HSD17B12: variants seen among roughly 807,000 people sequenced by gnomAD.
HSD17B12 encodes the protein very-long-chain 3-oxoacyl-CoA reductase.
Under a neutral mutation model 39.3 loss-of-function variants are expected in HSD17B12, and 32 were observed. The ratio of observed to expected loss-of-function variants is 0.81; its 90% CI spans 0.61 to 1.09. The LOEUF (loss-of-function observed/expected upper bound fraction) is 1.09. Among genes scored for constraint, HSD17B12 ranks in the 50% least tolerant of loss-of-function variants. The pLI, the probability that HSD17B12 is intolerant of heterozygous loss-of-function variation, is 0.00. For missense variants in HSD17B12, 342 were observed against 382.9 expected (o/e 0.89, Z 0.89); for synonymous variants, 150 against 146.7 (o/e 1.02, Z -0.16).
At chr11:43,757,651 A>C (rs1345503989) in intron 3 of HSD17B12, among the ~76,000 whole-genome samples, 4 of 141,190 alleles carry the variant, frequency 2.8e-5, no homozygotes, top group Non-Finnish European at 4.6e-5. Context: ...AAAAAAAAAA[A>C]AAAAAAAAAA....
the HSD17B12 span, among the ~76,000 whole-genome samples, chr11:43,607,280 G>GTT: frequency 2.2e-4 from 1 of 4,584 alleles, no homozygotes; most frequent in Non-Finnish European, 5.0e-4. Context: ...GTGCTCCTGA[G>GTT]TGTGTGTGTG....
chr11:43,709,135 C>CT (rs1565057648), intron 1 of HSD17B12, among the ~76,000 whole-genome samples: 3 of 149,880 alleles, frequency 2.0e-5, no homozygotes, highest in Non-Finnish European at 3.0e-5. Context: ...TTTTTTTTTT[C>CT]TTTTTTTTGA....
the HSD17B12 span, among the ~76,000 whole-genome samples, chr11:43,588,534 T>C: frequency 6.6e-6 from 1 of 151,968 alleles, no homozygotes; most frequent in Non-Finnish European, 1.5e-5. Flanking sequence ...AAGGCTTTGG[T>C]GAGGATTAAA....
intron 7 of HSD17B12, among the ~76,000 whole-genome samples, chr11:43,837,486 A>T (rs1353060428): frequency 6.6e-6 from 1 of 152,134 alleles, no homozygotes; most frequent in Non-Finnish European, 1.5e-5. Flanking sequence ...ACCTATACAT[A>T]CTTTTTAACA....
At position 43,855,230 on chromosome 11, in the gene HSD17B12, G is replaced by T; in HGVS notation, c.921G>T (p.Lys307Asn). ...AGTCTACACGGGCTCACTATCTGAAGAAAACCAAGAAGAACTAAGCATTGA... is the reference window on the plus strand; with the variant it reads ...AGTCTACACGGGCTCACTATCTGAATAAAACCAAGAAGAACTAAGCATTGA... ...MNKSTRAHYL[K>N]KTKKN Residue 307 changes from lysine to asparagine, a missense_variant, in exon 11 of 11, where the codon AAG becomes AAT. Coordinates refer to ENST00000278353, the MANE Select transcript of HSD17B12 (RefSeq NM_016142.3). 6.2e-7 allele frequency: 1 copy of T among 1,605,112 alleles called. No homozygotes were observed. Among genetic ancestry groups the T allele is most frequent in the African/African-American group, 1.3e-5 (1 of 74,656 alleles).
At chr11:43,599,246 C>T in the HSD17B12 span, among the ~76,000 whole-genome samples, 1 of 152,066 alleles carries the variant, frequency 6.6e-6, no homozygotes. Context: ...TGCTCTTCTG[C>T]ACTGCTTGAA....
At chr11:43,783,601 G>A (rs780482844) in intron 3 of HSD17B12, among the ~76,000 whole-genome samples, 14 of 151,520 alleles carry the variant, frequency 9.2e-5, no homozygotes, top group Non-Finnish European at 5.9e-5. Flanking sequence ...TGTGTGATGC[G>A]CCCTTCCCTG....
At chr11:43,779,181 T>C (rs1950740469) in intron 3 of HSD17B12, among the ~76,000 whole-genome samples, 1 of 152,184 alleles carries the variant, frequency 6.6e-6, no homozygotes, top group South Asian at 2.1e-4. Context: ...GTTTCAAATA[T>C]GTGGATGTGA....
At chr11:43,741,469 G>C (rs1207432715) in intron 1 of HSD17B12, among the ~76,000 whole-genome samples, 2 of 151,854 alleles carry the variant, frequency 1.3e-5, no homozygotes, top group Non-Finnish European at 1.5e-5. Context: ...AAAAAATGCA[G>C]TACATGCACA....
the HSD17B12 span, among the ~76,000 whole-genome samples, chr11:43,627,746 G>A: frequency 6.6e-6 from 1 of 151,878 alleles, no homozygotes; most frequent in African/African-American, 2.4e-5. Context: ...TATTATCAAA[G>A]AGAATTCAAA....
chr11:43,757,656 A>C (rs1454505673), intron 3 of HSD17B12, among the ~76,000 whole-genome samples: 3 of 142,500 alleles, frequency 2.1e-5, no homozygotes, highest in East Asian at 2.1e-4. Flanking sequence ...AAAAAAAAAA[A>C]AAAAAAAAAA....
the HSD17B12 span, among the ~76,000 whole-genome samples, chr11:43,660,002 G>C: frequency 6.6e-6 from 1 of 151,934 alleles, no homozygotes; most frequent in East Asian, 1.9e-4. Context: ...ATCACTCCAC[G>C]CCTGCTAGCC....
the HSD17B12 span, among the ~76,000 whole-genome samples, chr11:43,637,294 C>T: frequency 6.8e-6 from 1 of 148,044 alleles, no homozygotes; most frequent in Non-Finnish European, 1.5e-5. Context: ...AATCTTGGCT[C>T]ACTGCAACCT....
upstream of HSD17B12, among the ~76,000 whole-genome samples, chr11:43,680,302 G>A (rs997545592): frequency 2.2e-4 from 33 of 152,080 alleles, no homozygotes; most frequent in Non-Finnish European, 7.4e-5. Context: ...GGACTCCTAA[G>A]CTCAAGCGAT....
chr11:43,684,869 C>T (rs188573422), intron 1 of HSD17B12, among the ~76,000 whole-genome samples: 12 of 152,310 alleles, frequency 7.9e-5, no homozygotes, highest in Admixed American at 3.3e-4. Flanking sequence ...GACCCCCACC[C>T]GCTCCAGCCC....
chr11:43,620,548 A>G, the HSD17B12 span, among the ~76,000 whole-genome samples: 2 of 152,244 alleles, frequency 1.3e-5, no homozygotes, highest in Non-Finnish European at 1.5e-5. Context: ...AGAGAAAACT[A>G]AGAAACAGTT....
the HSD17B12 span, among the ~76,000 whole-genome samples, chr11:43,603,241 T>G: frequency 6.6e-6 from 1 of 152,198 alleles, no homozygotes; most frequent in Non-Finnish European, 1.5e-5. Flanking sequence ...GTTAATCAGA[T>G]TCCATATTTT....
the HSD17B12 span, among the ~76,000 whole-genome samples, chr11:43,648,141 G>A: frequency 3.3e-5 from 5 of 151,900 alleles, no homozygotes; most frequent in Non-Finnish European, 7.4e-5. Flanking sequence ...TTTGTCCTTT[G>A]CCTTCCTTAT....
At chr11:43,838,422 T>C (rs1457054182) in intron 8 of HSD17B12, 24 bp downstream of exon 8, 2 of 1,526,628 alleles carry the variant, frequency 1.3e-6, no homozygotes, top group Admixed American at 1.7e-5. Context: ...TCTTAAATCA[T>C]GTCAATATAG....
Sources: allele counts gnomAD v4.1 joint callset (sites outside exome capture counted in the v4.1 genomes callset), GRCh38; gene constraint gnomAD v4.1.1; transcripts MANE v1.5; gene names NCBI Gene and HGNC (gene_info 2026-07-23, HGNC 2026-07-21).